Variants in SYT9 observed in about 807,000 individuals in gnomAD.
SYT9 encodes the protein synaptotagmin 9.
In SYT9, 22 loss-of-function variants were observed where a neutral mutation model predicts 48.4. That is an observed-to-expected ratio of 0.45 (90% CI 0.32 to 0.65). The LOEUF (loss-of-function observed/expected upper bound fraction) is 0.65, where lower values mean the gene tolerates loss of function less well. SYT9 is among the 30% of genes least tolerant of loss of function. The pLI, the probability that SYT9 is intolerant of heterozygous loss-of-function variation, is 0.03. For synonymous variants in SYT9, 265 were observed against 245.0 expected (o/e 1.08, Z -0.76); for missense variants, 577 against 622.0 (o/e 0.93, Z 0.77).
intron 3 of SYT9, among the ~76,000 whole-genome samples, chr11:7,323,908 T>C (rs1849381514): frequency 1.3e-5 from 2 of 151,910 alleles, no homozygotes; most frequent in Non-Finnish European, 2.9e-5. Context: ...TCTCTTAATC[T>C]GCATTTTATT....
chr11:7,423,532 AG>A (rs1157430652), intron 6 of SYT9, among the ~76,000 whole-genome samples: 5 of 152,206 alleles, frequency 3.3e-5, no homozygotes, highest in Admixed American at 1.3e-4. Context: ...GTCTCACAAG[AG>A]GGATGGTGAG....
intron 3 of SYT9, among the ~76,000 whole-genome samples, chr11:7,395,893 C>A (rs547728166): frequency 1.3e-5 from 2 of 151,994 alleles, no homozygotes; most frequent in Non-Finnish European, 2.9e-5. Context: ...TAGCAGGTTT[C>A]TTTGTAGTCT....
intron 6 of SYT9, among the ~76,000 whole-genome samples, chr11:7,422,536 G>A (rs535381081): frequency 5.3e-5 from 8 of 151,622 alleles, no homozygotes; most frequent in Non-Finnish European, 1.0e-4. Context: ...TTGGGGGCCT[G>A]TCACTAGCAG....
In SYT9 at chr11:7,303,195, A is replaced by G. The variant is rs778837379; in HGVS notation, c.302A>G (p.Tyr101Cys). The G allele has an allele frequency of 8.7e-6, 14 of 1,613,976 alleles. No homozygotes were observed. In the East Asian group the frequency reaches 1.6e-4, roughly 18 times the overall value. Residue 101 changes from tyrosine (Y) to cysteine (C), a missense_variant, in exon 2 of 7, where the codon TAC becomes TGC. Coordinates refer to ENST00000318881, the MANE Select transcript of SYT9 (RefSeq NM_175733.4). ...GACAACAACCAGGAGCCCCTTAACT[A>G]CATGGACACAGAGACCAATGAGCAG... ...SKDNNQEPLN[Y>C]MDTETNEQEN...
chr11:7,353,426 A>AC (rs1287966096), intron 3 of SYT9, among the ~76,000 whole-genome samples: 1 of 151,852 alleles, frequency 6.6e-6, no homozygotes, highest in Non-Finnish European at 1.5e-5. Flanking sequence ...TTCCCCAGGA[A>AC]CCCCCTTGGC....
In SYT9 at chr11:7,240,834, G is replaced by A. The variant is rs539142880; in HGVS notation, c.49+1918G>A. On this transcript the variant is annotated intron_variant and NMD_transcript_variant, in intron 1 of 8. Coordinates refer to the SYT9 transcript ENST00000524820. The stretch of plus-strand genomic sequence containing the variant: ...CCTCCAAGTCAGGCAGCCATCTACA[G>A]TGCATTAAAGTTCAGATTTTGCATA... Among the ~76,000 whole-genome samples, 3 of 152,248 alleles carry A rather than the reference G, an allele frequency of 2.0e-5. No homozygotes were observed. The East Asian group carries it at 5.8e-4, about 29-fold the overall frequency.
chr11:7,418,006 G>A lies in SYT9; in HGVS notation c.1215G>A (p.Lys405=). The change falls in exon 5 of 7, where the codon AAG becomes AAA. Residue 405 remains lysine (K), a synonymous_variant. Coordinates refer to ENST00000318881, the MANE Select transcript of SYT9 (RefSeq NM_175733.4). ...SLMCDGRRLK[K]RKTSTKRNTL... is the part of the protein sequence containing the mutation. ...TGTGTGATGGCAGACGACTGAAGAA[G>A]AGGAAAACATCCACCAAGAGGAACA... 2 of 1,614,156 alleles carry A rather than the reference G, an allele frequency of 1.2e-6. No homozygotes were observed. Among genetic ancestry groups the A allele is most frequent in the Non-Finnish European group, 1.7e-6 (2 of 1,180,020 alleles).
intron 4 of SYT9, 21 bp downstream of exon 4, chr11:7,416,183 G>T (rs376948796): frequency 2.5e-6 from 4 of 1,613,788 alleles, no homozygotes; most frequent in African/African-American, 2.7e-5. Flanking sequence ...TTCAAATTCA[G>T]ACTTCCTCAT....
chr11:7,411,547 T>C (rs1447680874), intron 3 of SYT9, among the ~76,000 whole-genome samples: 1 of 152,208 alleles, frequency 6.6e-6, no homozygotes, highest in Non-Finnish European at 1.5e-5. Flanking sequence ...TGAATATGTC[T>C]CTCTTGCCCT....
intron 3 of SYT9, among the ~76,000 whole-genome samples, chr11:7,341,664 GC>G (rs1418647554): frequency 1.3e-5 from 2 of 152,016 alleles, no homozygotes; most frequent in African/African-American, 4.8e-5. Context: ...TAAGACAGCG[GC>G]CATGAGACTG....
intron 2 of SYT9, among the ~76,000 whole-genome samples, chr11:7,312,538 C>T (rs1487344877): frequency 6.6e-6 from 1 of 152,210 alleles, no homozygotes; most frequent in Non-Finnish European, 1.5e-5. Flanking sequence ...ACACACAGAT[C>T]AGACAGGCTT....
intron 1 of SYT9, among the ~76,000 whole-genome samples, chr11:7,245,408 C>G (rs1297558256): frequency 2.6e-5 from 4 of 151,592 alleles, no homozygotes; most frequent in Non-Finnish European, 5.9e-5. Flanking sequence ...AGGCCTTTTT[C>G]TTTTCTTTTC....
rs148006815 is a variant in SYT9, at chr11:7,242,188, C to T, written c.49+3272C>T. ...TCTAATGTGCGTTGGTCAGACCCTG[C>T]CCATCCTCAGAAGTAGAAAACAAAA... On this transcript the variant is annotated intron_variant and NMD_transcript_variant, in intron 1 of 8. Coordinates refer to the SYT9 transcript ENST00000524820. 8.9e-3 allele frequency among the ~76,000 whole-genome samples: 1,355 copies of T among 152,316 alleles called. 13 individuals are homozygous for T. The highest frequency in any genetic ancestry group is 0.012 in the Non-Finnish European group (844 of 68,030).
At chr11:7,357,436 A>G (rs1010293788) in intron 3 of SYT9, among the ~76,000 whole-genome samples, 1 of 152,142 alleles carries the variant, frequency 6.6e-6, no homozygotes, top group African/African-American at 2.4e-5. Flanking sequence ...GGTCTTCAAA[A>G]CCAGTGTGGG....
chr11:7,357,768 T>C (rs1320699350), intron 3 of SYT9, among the ~76,000 whole-genome samples: 1 of 152,148 alleles, frequency 6.6e-6, no homozygotes, highest in Non-Finnish European at 1.5e-5. Context: ...CATTATTCCC[T>C]TAGAATTTTA....
chr11:7,333,009 G>T (rs978548082), intron 3 of SYT9, among the ~76,000 whole-genome samples: 2 of 152,202 alleles, frequency 1.3e-5, no homozygotes, highest in African/African-American at 4.8e-5. Flanking sequence ...ATTGGCATTT[G>T]CTTGCTTGGA....
intron 3 of SYT9, among the ~76,000 whole-genome samples, chr11:7,340,643 G>A (rs896905047): frequency 1.3e-5 from 2 of 152,190 alleles, no homozygotes; most frequent in African/African-American, 4.8e-5. Flanking sequence ...TTTCTGTGAG[G>A]TAGGTGTTCT....
At chr11:7,268,106 A>G (rs1259064772) in intron 1 of SYT9, among the ~76,000 whole-genome samples, 1 of 151,982 alleles carries the variant, frequency 6.6e-6, no homozygotes, top group Non-Finnish European at 1.5e-5. Flanking sequence ...TTAACAAAAT[A>G]TTAAGTACTA....
chr11:7,288,860 G>C (rs908440505), intron 1 of SYT9, among the ~76,000 whole-genome samples: 3 of 152,112 alleles, frequency 2.0e-5, no homozygotes, highest in African/African-American at 4.8e-5. Context: ...GCTGCTCTTT[G>C]GAGTCTTCAT....
Sources: gnomAD v4.1 joint callset for allele counts (sites outside exome capture counted in the v4.1 genomes callset) on GRCh38, gnomAD v4.1.1 for gene constraint, MANE v1.5 for transcripts, NCBI Gene and HGNC (gene_info 2026-07-23, HGNC 2026-07-21) for gene names.